The following SLC38A8 variants were observed in gnomAD, a reference collection of about 807,000 sequenced individuals.
The protein encoded by SLC38A8 is solute carrier family 38 member 8.
SLC38A8 carries 65 observed loss-of-function variants against 46.0 expected under a neutral mutation model. The ratio of observed to expected loss-of-function variants is 1.41; its 90% CI spans 1.16 to 1.74. The LOEUF (loss-of-function observed/expected upper bound fraction) is 1.74. SLC38A8 is among the 40% of genes most tolerant of loss of function. SLC38A8 has a pLI of 0.00. For missense variants in SLC38A8, 998 were observed against 567.9 expected, an observed-to-expected ratio of 1.76 and a Z score of -7.70; for synonymous variants, 447 against 243.7, an observed-to-expected ratio of 1.83 and a Z score of -7.77.
At chr16:84,013,925 G>C (rs1378924496) in intron 9 of SLC38A8, among the ~76,000 whole-genome samples, 3 of 152,190 alleles carry the variant, frequency 2.0e-5, no homozygotes, top group Non-Finnish European at 2.9e-5. Flanking sequence ...GGGAGTGTGA[G>C]GGAGGAGCCA....
chr16:84,012,233 C>A (rs192872520), intron 10 of SLC38A8, among the ~76,000 whole-genome samples: 1 of 152,228 alleles, frequency 6.6e-6, no homozygotes, highest in African/African-American at 2.4e-5. Flanking sequence ...TCACCCAGAA[C>A]CCCAGACTAC....
At position 84,036,920 on chromosome 16, in the gene SLC38A8, C is replaced by G. The variant is rs765459012; in HGVS notation, c.190-20G>C. ...CGAGACCTGCGGAGAAGGAGCAGGACCTGGAACTGGGGTGTGCCCACAGCC... is the reference window on the plus strand; with the variant it reads ...CGAGACCTGCGGAGAAGGAGCAGGAGCTGGAACTGGGGTGTGCCCACAGCC... On this transcript the variant is annotated intron_variant, in intron 2 of 10. Coordinates refer to ENST00000299709, the MANE Select transcript of SLC38A8 (RefSeq NM_001080442.3). 6.3e-7 allele frequency: 1 copy of G among 1,596,264 alleles called. No individual in the cohort carries two copies. The highest frequency in any genetic ancestry group is 8.5e-7 in the Non-Finnish European group (1 of 1,173,290).
intron 3 of SLC38A8, among the ~76,000 whole-genome samples, 196 bp downstream of exon 3, chr16:84,036,506 C>G (rs1191520625): frequency 6.6e-6 from 1 of 152,256 alleles, no homozygotes; most frequent in African/African-American, 2.4e-5. Flanking sequence ...CTTGTGTGCC[C>G]ATGACTGTCA....
intron 9 of SLC38A8, among the ~76,000 whole-genome samples, chr16:84,013,769 G>A (rs956968051): frequency 4.0e-5 from 6 of 151,254 alleles, no homozygotes; most frequent in African/African-American, 1.2e-4. Context: ...TAGGATTCAG[G>A]GCCATGTAGC....
At chr16:84,017,399 C>A (rs1172409627) in intron 7 of SLC38A8, 112 bp from the exon 8 acceptor site, 4 of 1,300,972 alleles carry the variant, frequency 3.1e-6, no homozygotes, top group East Asian at 2.3e-5. Flanking sequence ...TCCTTAGGAG[C>A]TGAAAGAAGG....
At chr16:84,024,377 C>T (rs1025755448) in intron 6 of SLC38A8, among the ~76,000 whole-genome samples, 3 of 152,126 alleles carry the variant, frequency 2.0e-5, no homozygotes, top group Non-Finnish European at 2.9e-5. Flanking sequence ...TGACTTCTTA[C>T]TACATTGCCC....
In SLC38A8 at chr16:84,020,675, C is replaced by G. The variant is rs140432772; in HGVS notation, c.805+2100G>C. Among the ~76,000 whole-genome samples, 118 of 152,328 alleles carry G rather than the reference C, an allele frequency of 7.7e-4. 1 individual carries two copies. The highest frequency in any genetic ancestry group is 2.8e-3 in the African/African-American group (115 of 41,578). ...GAGACGTGAGGGCACGTAGGATAGC[C>G]TGTGGAGGCACCCTGGGTCTGTCCC... On this transcript the variant is annotated intron_variant, in intron 7 of 10. Coordinates refer to ENST00000299709, the MANE Select transcript of SLC38A8 (RefSeq NM_001080442.3).
rs2085214075 is a variant in SLC38A8, at chr16:84,029,611, G to C, written c.633-60C>G. The C allele has an allele frequency of 3.9e-6, 6 of 1,528,468 alleles. No homozygotes were observed. The African/African-American group carries it at 4.1e-5, about 11-fold the overall frequency. 94.7% of individuals were successfully genotyped at this position (1,528,468 alleles called of 1,614,324 possible). A position where few individuals can be genotyped will look rare whatever the true frequency, so the allele number is the denominator to read the frequency against. ...AGGGTCACACCCGGAACAACCTGCGGCTGCAATGGTGAATTTTAAAGGATG... is the reference window on the plus strand; with the variant it reads ...AGGGTCACACCCGGAACAACCTGCGCCTGCAATGGTGAATTTTAAAGGATG... On this transcript the variant is annotated intron_variant, in intron 5 of 10. Transcript: ENST00000299709.
chr16:84,016,587 A>C lies in SLC38A8; in HGVS notation c.1094T>G (p.Met365Arg), dbSNP rs2085028440. The change falls in exon 9 of 11, where the codon ATG becomes AGG. Residue 365 changes from methionine (M) to arginine (R), a missense_variant. Physicochemically the swap from Met to Arg is moderately conservative, Grantham distance 91 (BLOSUM62 -1). Coordinates refer to ENST00000299709, the MANE Select transcript of SLC38A8 (RefSeq NM_001080442.3). Reference sequence around the variant, plus strand: ...GCTGACGATCTCGCTGAGGTCAGGCATAAACAGCGCCATGGCGAGCGTCAC... The same window carrying C: ...GCTGACGATCTCGCTGAGGTCAGGCCTAAACAGCGCCATGGCGAGCGTCAC... ...VTVTLAMALF[M>R]PDLSEIVSII... 6.2e-7 allele frequency: 1 copy of C among 1,613,990 alleles called. No homozygotes were observed. The highest frequency in any genetic ancestry group is 1.7e-5 in the Admixed American group (1 of 60,000).
chr16:84,042,008 G>C lies in SLC38A8; in HGVS notation c.150C>G (p.Ser50=). 7 of 1,611,914 alleles carry C rather than the reference G, an allele frequency of 4.3e-6. No individual in the cohort carries two copies. The highest frequency in any genetic ancestry group is 5.9e-6 in the Non-Finnish European group (7 of 1,178,856). Residue 50 remains serine, a synonymous_variant, in exon 2 of 11, where the codon TCC becomes TCG. Coordinates refer to ENST00000299709, the MANE Select transcript of SLC38A8 (RefSeq NM_001080442.3). ...AGGCAGGGACCACTCCGCCCGCTTT[G>C]GAGAAGGCCCAGGGGAAGTTGAGCA... The part of the protein sequence containing the change: ...AGLLNFPWAF[S]KAGGVVPAFL...
chr16:84,032,482 A>C (rs1345585143), intron 4 of SLC38A8, among the ~76,000 whole-genome samples: 1 of 152,076 alleles, frequency 6.6e-6, no homozygotes, highest in African/African-American at 2.4e-5. Flanking sequence ...GCCCAGCCCA[A>C]ATGTGTAGAA....
At chr16:84,041,299 A>G (rs974704025) in intron 2 of SLC38A8, 3 of 152,318 alleles carry the variant, frequency 2.0e-5, no homozygotes, top group South Asian at 2.1e-4. Flanking sequence ...TTTAGGCTCA[A>G]TCTGCACACA....
chr16:84,036,663 G>C, intron 3 of SLC38A8, 39 bp downstream of exon 3: 1 of 1,610,386 alleles, frequency 6.2e-7, no homozygotes, highest in Non-Finnish European at 8.5e-7. Context: ...TTAGAGGTCC[G>C]GCACCCTGGG....
At chr16:84,030,348 C>T (rs1397369926) in intron 5 of SLC38A8, among the ~76,000 whole-genome samples, 1 of 152,112 alleles carries the variant, frequency 6.6e-6, no homozygotes, top group Non-Finnish European at 1.5e-5. Flanking sequence ...CTGTTTTTAC[C>T]AGGGCCTCCT....
intron 10 of SLC38A8, among the ~76,000 whole-genome samples, chr16:84,012,676 C>G (rs1339923044): frequency 6.6e-6 from 1 of 152,204 alleles, no homozygotes; most frequent in Non-Finnish European, 1.5e-5. Context: ...CACCCTGATC[C>G]TGCCCTGGGT....
At chr16:84,025,230 C>A (rs1289468123) in intron 6 of SLC38A8, among the ~76,000 whole-genome samples, 2 of 152,258 alleles carry the variant, frequency 1.3e-5, no homozygotes, top group South Asian at 4.1e-4. Flanking sequence ...ACCATCACAC[C>A]CACTCTCTCA....
At chr16:84,024,363 G>C (rs575039446) in intron 6 of SLC38A8, among the ~76,000 whole-genome samples, 2 of 152,178 alleles carry the variant, frequency 1.3e-5, no homozygotes, top group South Asian at 2.1e-4. Flanking sequence ...TTTTTTGGTA[G>C]AGATGACTTC....
intron 4 of SLC38A8, among the ~76,000 whole-genome samples, chr16:84,033,012 A>T (rs2085262779): frequency 7.1e-6 from 1 of 140,740 alleles, no homozygotes; most frequent in Non-Finnish European, 1.6e-5. Context: ...GGGTGTGGGT[A>T]GGTGGGTGTG....
rs145578115 is a variant in SLC38A8 at position 84,010,605 on chromosome 16, G to A, written c.1215-728C>T. ...AAAAATAAAAATAAAAAATTAGCCA[G>A]GCACGGTGGCAGGCACCTGTATTCC... On this transcript the variant is annotated intron_variant, in intron 10 of 10. Coordinates refer to ENST00000299709, the MANE Select transcript of SLC38A8 (RefSeq NM_001080442.3). Among the ~76,000 whole-genome samples, 434 of 152,228 alleles carry A rather than the reference G, an allele frequency of 2.9e-3. 2 individuals are homozygous for A. The highest frequency in any genetic ancestry group is 9.7e-3 in the African/African-American group (404 of 41,526).
Sources: allele counts gnomAD v4.1 joint callset (sites outside exome capture counted in the v4.1 genomes callset), GRCh38; gene constraint gnomAD v4.1.1; transcripts MANE v1.5; gene names NCBI Gene and HGNC (gene_info 2026-07-23, HGNC 2026-07-21).